Variants in MRPS28 observed in about 807,000 individuals in gnomAD.
MRPS28 encodes mitochondrial ribosomal protein S28.
A neutral mutation model predicts 10.8 loss-of-function variants in MRPS28; 7 were observed. That is an observed-to-expected ratio of 0.65 (90% confidence interval 0.37 to 1.22). The LOEUF (loss-of-function observed/expected upper bound fraction) is 1.22. MRPS28 is among the 50% of genes most tolerant of loss of function. The pLI, the probability that MRPS28 is intolerant of heterozygous loss-of-function variation, is 0.02. For synonymous variants in MRPS28, 121 were observed against 93.3 expected (o/e 1.30, Z -1.71); for missense variants, 265 against 232.9 (o/e 1.14, Z -0.90).
At chr8:79,923,475 GCTA>G (rs1035317963) in intron 2 of MRPS28, among the ~76,000 whole-genome samples, 5 of 151,990 alleles carry the variant, frequency 3.3e-5, no homozygotes, top group African/African-American at 4.8e-5. Flanking sequence ...TAGAAAAATG[GCTA>G]CTTTCAAATA....
intron 1 of MRPS28, among the ~76,000 whole-genome samples, chr8:80,003,926 A>G (rs1373231654): frequency 6.6e-6 from 1 of 152,180 alleles, no homozygotes; most frequent in Non-Finnish European, 1.5e-5. Context: ...CAAGGCAGCA[A>G]CGAGGCTGGG....
intron 2 of MRPS28, among the ~76,000 whole-genome samples, chr8:79,971,225 T>C (rs946408032): frequency 6.6e-6 from 1 of 152,172 alleles, no homozygotes; most frequent in Non-Finnish European, 1.5e-5. Flanking sequence ...CAATGGGGAC[T>C]GAGGACTAAA....
chr8:79,935,523 C>T (rs766560095), intron 2 of MRPS28, among the ~76,000 whole-genome samples: 2 of 152,098 alleles, frequency 1.3e-5, no homozygotes, highest in Admixed American at 1.3e-4. Flanking sequence ...CCTGAAAACA[C>T]AGTAAAGTTT....
chr8:80,024,018 C>T, intron 1 of MRPS28, among the ~76,000 whole-genome samples: 1 of 152,118 alleles, frequency 6.6e-6, no homozygotes, highest in South Asian at 2.1e-4. Flanking sequence ...TGCCTGAGCC[C>T]AGAAGTGCGA....
chr8:79,979,340 A>G (rs554591918), intron 2 of MRPS28, among the ~76,000 whole-genome samples: 1 of 152,216 alleles, frequency 6.6e-6, no homozygotes, highest in East Asian at 1.9e-4. Flanking sequence ...TCTCCTTCTC[A>G]CCTGAAGCAG....
intron 2 of MRPS28, among the ~76,000 whole-genome samples, chr8:79,922,566 A>C (rs1326277609): frequency 1.3e-5 from 2 of 152,178 alleles, no homozygotes; most frequent in Non-Finnish European, 2.9e-5. Flanking sequence ...TCAAAATAGC[A>C]TGTTATACCC....
At chr8:80,011,762 A>AAAAAAC (rs1397516445) in intron 1 of MRPS28, among the ~76,000 whole-genome samples, 3 of 150,178 alleles carry the variant, frequency 2.0e-5, no homozygotes, top group Non-Finnish European at 4.4e-5. Flanking sequence ...AAAAAACAAC[A>AAAAAAC]AAAAACAAAA....
At chr8:79,934,710 G>A (rs563839315) in intron 2 of MRPS28, among the ~76,000 whole-genome samples, 1 of 152,188 alleles carries the variant, frequency 6.6e-6, no homozygotes, top group African/African-American at 2.4e-5. Flanking sequence ...AAACAAAAAA[G>A]CACTCCAGAT....
rs1052122807 is a variant in MRPS28 at position 79,918,742 on chromosome 8, T to C, written c.*238A>G. The C allele has an allele frequency of 4.6e-5, 9 of 197,224 alleles. No individual in the cohort carries two copies. The Admixed American group carries it at 5.5e-4, about 12-fold the overall frequency. The allele number at this position is 197,224 out of a possible 1,614,324, so 12.2% of individuals were successfully genotyped here. ...TAGACAGCACTCAAAACGTATTTAT[T>C]GAATGACAATTTCTTAGTACAGTGT... On this transcript the variant is annotated 3_prime_UTR_variant, in exon 3 of 3. Coordinates refer to ENST00000276585, the MANE Select transcript of MRPS28 (RefSeq NM_014018.3).
At chr8:79,989,763 C>T (rs1469863145) in intron 2 of MRPS28, among the ~76,000 whole-genome samples, 1 of 152,040 alleles carries the variant, frequency 6.6e-6, no homozygotes, top group East Asian at 1.9e-4. Flanking sequence ...GCACTTAGAG[C>T]CTAATATGAA....
intron 1 of MRPS28, among the ~76,000 whole-genome samples, chr8:80,006,787 C>T (rs1376068092): frequency 6.6e-6 from 1 of 152,126 alleles, no homozygotes; most frequent in African/African-American, 2.4e-5. Context: ...TAATAGCCTA[C>T]CAACCAAAAA....
Position 79,918,969 on chromosome 8 carries a change from G to C in MRPS28, c.*11C>G. 1 of 1,522,000 alleles carries C rather than the reference G, an allele frequency of 6.6e-7. No individual in the cohort carries two copies. Among genetic ancestry groups the C allele is most frequent in the Non-Finnish European group, 8.8e-7 (1 of 1,134,734 alleles). The allele number at this position is 1,522,000 out of a possible 1,614,324, so 94.3% of individuals were successfully genotyped here. On this transcript the variant is annotated 3_prime_UTR_variant, in exon 3 of 3. Coordinates refer to ENST00000276585, the MANE Select transcript of MRPS28 (RefSeq NM_014018.3). ...TTCAGCAAAGGAGTCAATCCACTAAGCAAAGTTCATTTATTTTTCATGATG... is the reference window on the plus strand; with the variant it reads ...TTCAGCAAAGGAGTCAATCCACTAACCAAAGTTCATTTATTTTTCATGATG...
intron 2 of MRPS28, among the ~76,000 whole-genome samples, chr8:79,980,930 G>C (rs1200931029): frequency 6.6e-6 from 1 of 152,154 alleles, no homozygotes; most frequent in South Asian, 2.1e-4. Flanking sequence ...ATTAATAATA[G>C]AATTCATATC....
At chr8:79,954,686 C>T (rs1261915752) in intron 2 of MRPS28, among the ~76,000 whole-genome samples, 1 of 152,208 alleles carries the variant, frequency 6.6e-6, no homozygotes, top group Non-Finnish European at 1.5e-5. Flanking sequence ...GCAGTGTTTC[C>T]TCCACTGCAA....
chr8:80,030,092 C>T lies in MRPS28; in HGVS notation c.157G>A (p.Ala53Thr), dbSNP rs1418983601. ...KEPKTRAGGF[A>T]SALERHSELL... is the part of the protein sequence containing the mutation. ...TCCGAGTGCCGCTCCAACGCGCTCG[C>T]GAAACCGCCTGCGCGCGTCTTAGGC... is the stretch of plus-strand genomic sequence containing the variant. The change falls in exon 1 of 3, where the codon GCG (alanine) becomes ACG (threonine). Residue 53 changes from alanine to threonine, a missense_variant. Ala to Thr is a moderately conservative substitution (Grantham distance 58). Transcript: ENST00000276585. 1.8e-5 allele frequency: 29 copies of T among 1,611,456 alleles called. No individual in the cohort carries two copies. Among genetic ancestry groups the T allele is most frequent in the Non-Finnish European group, 2.5e-5 (29 of 1,179,830 alleles).
At chr8:79,938,565 T>C (rs1357673199) in intron 2 of MRPS28, among the ~76,000 whole-genome samples, 1 of 152,158 alleles carries the variant, frequency 6.6e-6, no homozygotes, top group Non-Finnish European at 1.5e-5. Flanking sequence ...TGGTAGGGAA[T>C]GCCACCAGAT....
intron 1 of MRPS28, 93 bp downstream of exon 1, chr8:80,029,943 C>T (rs1032090886): frequency 3.3e-6 from 5 of 1,537,540 alleles, no homozygotes; most frequent in African/African-American, 1.4e-5. Context: ...CTCAGCTCCC[C>T]TTCCTAAGCC....
At chr8:79,958,755 T>A (rs189246055) in intron 2 of MRPS28, among the ~76,000 whole-genome samples, 152 of 152,300 alleles carry the variant, frequency 1.0e-3, no homozygotes, top group African/African-American at 3.1e-3. Context: ...ATTCTGCTGG[T>A]ATGAAGTGTC....
intron 2 of MRPS28, among the ~76,000 whole-genome samples, chr8:79,971,310 G>C (rs1258816559): frequency 6.6e-6 from 1 of 152,158 alleles, no homozygotes; most frequent in Non-Finnish European, 1.5e-5. Flanking sequence ...CCCTTATCAA[G>C]CTATCTTTCT....
Sources: allele counts gnomAD v4.1 joint callset (sites outside exome capture counted in the v4.1 genomes callset), GRCh38; gene constraint gnomAD v4.1.1; transcripts MANE v1.5; gene names NCBI Gene and HGNC (gene_info 2026-07-23, HGNC 2026-07-21).